TBC1D19: variants seen among roughly 807,000 people sequenced by gnomAD.
TBC1D19 encodes TBC1 domain family member 19, also known as TBC1 domain family, member 19.
In TBC1D19, 60 loss-of-function variants were observed where a neutral mutation model predicts 89.0. The ratio of observed to expected loss-of-function variants is 0.67; its 90% CI spans 0.55 to 0.84. The LOEUF is 0.84. Among genes scored for constraint, TBC1D19 ranks in the 40% least tolerant of loss-of-function variants. The pLI is 0.00. For synonymous variants in TBC1D19, 189 were observed against 199.7 expected, an observed-to-expected ratio of 0.95 and a Z score of 0.45; for missense variants, 500 against 610.8, an observed-to-expected ratio of 0.82 and a Z score of 1.91.
At chr4:26,793,383 C>G in the TBC1D19 span, among the ~76,000 whole-genome samples, 1 of 152,162 alleles carries the variant, frequency 6.6e-6, no homozygotes, top group Non-Finnish European at 1.5e-5. Context: ...TCAAAGGGAT[C>G]AAATCAGCTC....
At chr4:26,794,613 C>T in the TBC1D19 span, among the ~76,000 whole-genome samples, 3 of 151,822 alleles carry the variant, frequency 2.0e-5, no homozygotes, top group Admixed American at 6.6e-5. Flanking sequence ...CATTAATTGC[C>T]ATAGAGAATA....
chr4:26,588,025 T>A (rs916059339), intron 1 of TBC1D19, among the ~76,000 whole-genome samples: 2 of 118,626 alleles, frequency 1.7e-5, no homozygotes, highest in African/African-American at 5.1e-5. Context: ...ATATGTGTTC[T>A]TTTTTTTTTT....
At chr4:26,613,361 GT>G in intron 2 of TBC1D19, 120 bp downstream of exon 2, 1 of 639,216 alleles carries the variant, frequency 1.6e-6, no homozygotes, top group Non-Finnish European at 2.5e-6. Flanking sequence ...GTTTTGTTTT[GT>G]TTTAGGCTTT....
the TBC1D19 span, among the ~76,000 whole-genome samples, chr4:26,791,130 C>G: frequency 1.3e-5 from 2 of 152,138 alleles, no homozygotes; most frequent in Non-Finnish European, 2.9e-5. Context: ...AACAACTGCT[C>G]TAAAACTCTT....
At chr4:26,741,635 T>C (rs1056190098) in intron 17 of TBC1D19, among the ~76,000 whole-genome samples, 1 of 151,866 alleles carries the variant, frequency 6.6e-6, no homozygotes, top group African/African-American at 2.4e-5. Context: ...GTCCTTTTTT[T>C]TTTTTTTATT....
chr4:26,727,701 A>G (rs1232291321), intron 15 of TBC1D19, among the ~76,000 whole-genome samples: 1 of 152,202 alleles, frequency 6.6e-6, no homozygotes, highest in Non-Finnish European at 1.5e-5. Context: ...ATTCATGTCT[A>G]TATGACTTCT....
intron 13 of TBC1D19, among the ~76,000 whole-genome samples, chr4:26,711,142 G>C (rs1392945602): frequency 6.6e-6 from 1 of 152,102 alleles, no homozygotes; most frequent in South Asian, 2.1e-4. Flanking sequence ...TTCTTCTAGG[G>C]TTTTTACGGT....
chr4:26,721,786 C>G (rs1441964656), intron 15 of TBC1D19, among the ~76,000 whole-genome samples: 4 of 152,112 alleles, frequency 2.6e-5, no homozygotes, highest in African/African-American at 9.7e-5. Context: ...CAATATCAAA[C>G]TATTTATTAT....
intron 7 of TBC1D19, among the ~76,000 whole-genome samples, chr4:26,657,231 C>T (rs1409149121): frequency 1.3e-5 from 2 of 151,852 alleles, no homozygotes; most frequent in African/African-American, 2.4e-5. Context: ...GCTGTCCCTC[C>T]CCTTGCCTCT....
chr4:26,652,602 T>C (rs1744476568), intron 7 of TBC1D19, among the ~76,000 whole-genome samples: 1 of 152,218 alleles, frequency 6.6e-6, no homozygotes, highest in African/African-American at 2.4e-5. Flanking sequence ...TGGGAGGGTG[T>C]ATGTGTCAAG....
chr4:26,690,386 A>T (rs564713732), intron 13 of TBC1D19, among the ~76,000 whole-genome samples: 2 of 152,322 alleles, frequency 1.3e-5, no homozygotes, highest in African/African-American at 4.8e-5. Flanking sequence ...TAAACAACAG[A>T]TTTTTCAGTG....
At chr4:26,654,633 C>T (rs1284235083) in intron 7 of TBC1D19, among the ~76,000 whole-genome samples, 2 of 152,150 alleles carry the variant, frequency 1.3e-5, no homozygotes, top group Non-Finnish European at 2.9e-5. Context: ...ATTTGATCTT[C>T]CATTGCTGAT....
chr4:26,737,785 T>C (rs1038209973), intron 16 of TBC1D19, among the ~76,000 whole-genome samples: 2 of 152,112 alleles, frequency 1.3e-5, no homozygotes, highest in African/African-American at 4.8e-5. Flanking sequence ...TTAGTTACTA[T>C]ATTTCTTTAA....
chr4:26,812,106 A>G, the TBC1D19 span, among the ~76,000 whole-genome samples: 1 of 152,284 alleles, frequency 6.6e-6, no homozygotes, highest in East Asian at 1.9e-4. The surrounding 1 kb of genome is among the most constrained non-coding windows in gnomAD (Gnocchi z 4.2). Context: ...ACATTTCTGA[A>G]TCAACCTGGG....
chr4:26,627,038 C>A (rs10000211), intron 4 of TBC1D19, among the ~76,000 whole-genome samples: 3,888 of 151,556 alleles, frequency 0.026, 168 homozygotes, highest in African/African-American at 0.089. Flanking sequence ...ATCCCTCCCC[C>A]CTCCGCCCAC....
At chr4:26,706,550 A>T in intron 13 of TBC1D19, among the ~76,000 whole-genome samples, 1 of 151,536 alleles carries the variant, frequency 6.6e-6, no homozygotes. Context: ...ACTTTTTATT[A>T]TTTTATTTTC....
At chr4:26,700,542 C>CA (rs954282486) in intron 13 of TBC1D19, among the ~76,000 whole-genome samples, 15 of 150,110 alleles carry the variant, frequency 1.0e-4, no homozygotes, top group Non-Finnish European at 1.5e-4. Flanking sequence ...ATCAGAGGTA[C>CA]AAAAAAAAAG....
At chr4:26,633,748 A>G (rs1742947260) in intron 4 of TBC1D19, among the ~76,000 whole-genome samples, 2 of 152,136 alleles carry the variant, frequency 1.3e-5, no homozygotes, top group Admixed American at 1.3e-4. Context: ...TCTCTTCTGC[A>G]TTAAAAACCC....
chr4:26,593,403 C>T (rs1354986008), intron 1 of TBC1D19, among the ~76,000 whole-genome samples: 1 of 152,178 alleles, frequency 6.6e-6, no homozygotes, highest in Non-Finnish European at 1.5e-5. Context: ...AAAACCTAGG[C>T]AATACCATTC....
Sources: allele counts gnomAD v4.1 joint callset (sites outside exome capture counted in the v4.1 genomes callset), GRCh38; gene constraint gnomAD v4.1.1; non-coding constraint Gnocchi (gnomAD v3.1); transcripts MANE v1.5; gene names NCBI Gene and HGNC (gene_info 2026-07-23, HGNC 2026-07-21).